FBXL17: variants seen among roughly 807,000 people sequenced by gnomAD.
FBXL17 encodes F-box/LRR-repeat protein 17.
A neutral mutation model predicts 66.2 loss-of-function variants in FBXL17; 22 were observed. The ratio of observed to expected loss-of-function variants is 0.33; its 90% CI spans 0.24 to 0.47. The LOEUF is 0.47. Among genes scored for constraint, FBXL17 ranks in the 20% least tolerant of loss-of-function variants. The pLI is 1.00. For synonymous variants in FBXL17, 474 were observed against 400.5 expected, an observed-to-expected ratio of 1.18 and a Z score of -2.19; for missense variants, 878 against 948.2, an observed-to-expected ratio of 0.93 and a Z score of 0.97.
intron 6 of FBXL17, among the ~76,000 whole-genome samples, chr5:108,100,643 G>T (rs560325141): frequency 6.6e-6 from 1 of 152,096 alleles, no homozygotes; most frequent in South Asian, 2.1e-4. Context: ...GACTCTTCTT[G>T]ATAATTTACA....
intron 7 of FBXL17, among the ~76,000 whole-genome samples, chr5:107,997,642 G>C (rs1213319236): frequency 6.6e-6 from 1 of 152,110 alleles, no homozygotes; most frequent in African/African-American, 2.4e-5. Context: ...TTCTTTCTCT[G>C]TCTGATGTTC....
At chr5:108,166,282 A>C (rs1021888972) in intron 6 of FBXL17, among the ~76,000 whole-genome samples, 1 of 152,202 alleles carries the variant, frequency 6.6e-6, no homozygotes, top group African/African-American at 2.4e-5. Flanking sequence ...CTGGAAAAAC[A>C]GAGCAAGACC....
At chr5:107,895,884 C>T (rs1057506169) in intron 7 of FBXL17, among the ~76,000 whole-genome samples, 13 of 152,116 alleles carry the variant, frequency 8.5e-5, no homozygotes, top group Admixed American at 8.5e-4. Flanking sequence ...CAATGATTTA[C>T]GTCGTTTTTG....
At chr5:108,014,185 T>G (rs1278489458) in intron 7 of FBXL17, among the ~76,000 whole-genome samples, 1 of 152,126 alleles carries the variant, frequency 6.6e-6, no homozygotes, top group African/African-American at 2.4e-5. Flanking sequence ...CAAAGACTAA[T>G]GTTAAAAATA....
At chr5:108,303,590 T>G (rs1758700594) in intron 4 of FBXL17, among the ~76,000 whole-genome samples, 1 of 151,948 alleles carries the variant, frequency 6.6e-6, no homozygotes, top group South Asian at 2.1e-4. Flanking sequence ...TCACTTCAAC[T>G]AGAGGCTTCT....
intron 4 of FBXL17, among the ~76,000 whole-genome samples, chr5:108,303,387 CACACACACAT>C (rs1417564742): frequency 6.7e-6 from 1 of 148,628 alleles, no homozygotes; most frequent in East Asian, 2.0e-4. Context: ...CACACACACA[CACACACACAT>C]ACCCACACAC....
In FBXL17 at chr5:108,367,915, G is replaced by A. The variant is rs61734351; in HGVS notation, c.1032C>T (p.Ser344=). ...SNLSLDERCL[S]ASLVCKYWRD... is the part of the protein sequence containing the mutation. ...GCCAGTACTTGCAAACCAATGATGC[G>A]GAAAGGCAACGCTCATCCAGTGACA... The change falls in exon 2 of 9, where the codon TCC becomes TCT. Residue 344 remains serine, a synonymous_variant. Coordinates refer to ENST00000542267, the MANE Select transcript of FBXL17 (RefSeq NM_001163315.3). 1.0e-3 allele frequency: 1,590 copies of A among 1,550,594 alleles called. 21 individuals carry two copies. In the African/African-American group the frequency reaches 0.018, roughly 18 times the overall value.
intron 8 of FBXL17, among the ~76,000 whole-genome samples, chr5:107,868,117 A>C (rs1321354709): frequency 3.3e-5 from 5 of 152,186 alleles, no homozygotes; most frequent in African/African-American, 1.2e-4. Context: ...ACTCAGATGG[A>C]ATTCCTATTT....
At chr5:107,913,716 T>C (rs1184307865) in intron 7 of FBXL17, among the ~76,000 whole-genome samples, 1 of 152,066 alleles carries the variant, frequency 6.6e-6, no homozygotes, top group Non-Finnish European at 1.5e-5. Context: ...AAGAACAGCA[T>C]TTGGGGCTTA....
At chr5:108,029,900 G>A (rs1041198927) in intron 6 of FBXL17, among the ~76,000 whole-genome samples, 1 of 151,926 alleles carries the variant, frequency 6.6e-6, no homozygotes, top group Non-Finnish European at 1.5e-5. Flanking sequence ...AGCTTCTCAG[G>A]CTATCAGGCC....
At chr5:108,043,967 T>C (rs1747147076) in intron 6 of FBXL17, among the ~76,000 whole-genome samples, 1 of 152,228 alleles carries the variant, frequency 6.6e-6, no homozygotes, top group Non-Finnish European at 1.5e-5. Context: ...GTAAATTGTA[T>C]TGTGTTCTTA....
At chr5:108,294,225 GTATATATATATTCTTACTGAA>G (rs1248905718) in intron 4 of FBXL17, among the ~76,000 whole-genome samples, 5 of 140,884 alleles carry the variant, frequency 3.5e-5, no homozygotes, top group Admixed American at 2.2e-4. Context: ...TATATATATG[GTATATATATATTCTTACTGAA>G]TATATATATA....
intron 4 of FBXL17, among the ~76,000 whole-genome samples, chr5:108,300,160 A>T (rs529957975): frequency 9.2e-5 from 14 of 152,118 alleles, no homozygotes; most frequent in Admixed American, 2.0e-4. Flanking sequence ...AACTTTTAGA[A>T]ACTTAAAAAG....
intron 6 of FBXL17, among the ~76,000 whole-genome samples, chr5:108,022,088 A>G (rs1000325872): frequency 2.0e-5 from 3 of 151,974 alleles, no homozygotes; most frequent in Non-Finnish European, 4.4e-5. Context: ...AATTAGTTAT[A>G]GAGAAGACAT....
At chr5:108,276,600 A>C (rs1757493423) in intron 4 of FBXL17, among the ~76,000 whole-genome samples, 1 of 152,138 alleles carries the variant, frequency 6.6e-6, no homozygotes, top group Non-Finnish European at 1.5e-5. Context: ...CTAGCAGTAA[A>C]ATTTCTTACT....
chr5:108,282,056 C>G (rs1356530024), intron 4 of FBXL17, among the ~76,000 whole-genome samples: 1 of 151,594 alleles, frequency 6.6e-6, no homozygotes, highest in African/African-American at 2.4e-5. Flanking sequence ...AAAAGAAAGA[C>G]TCAGGACCAG....
chr5:108,226,139 T>C (rs1755089931), intron 4 of FBXL17, among the ~76,000 whole-genome samples: 1 of 152,108 alleles, frequency 6.6e-6, no homozygotes, highest in Non-Finnish European at 1.5e-5. Flanking sequence ...CTTACTCACA[T>C]ATTAGTTTGT....
chr5:107,934,116 A>G (rs1473404116), intron 7 of FBXL17, among the ~76,000 whole-genome samples: 1 of 152,158 alleles, frequency 6.6e-6, no homozygotes, highest in Non-Finnish European at 1.5e-5. Context: ...TACTTCTCTC[A>G]TAATTGACTC....
At chr5:107,922,883 C>T (rs1049307237) in intron 7 of FBXL17, among the ~76,000 whole-genome samples, 26 of 152,262 alleles carry the variant, frequency 1.7e-4, no homozygotes, top group African/African-American at 3.4e-4. Context: ...CAACTTCTTG[C>T]GGGGCAGGAA....
Sources: gnomAD v4.1 joint callset for allele counts (sites outside exome capture counted in the v4.1 genomes callset) on GRCh38, gnomAD v4.1.1 for gene constraint, MANE v1.5 for transcripts, NCBI Gene and HGNC (gene_info 2026-07-23, HGNC 2026-07-21) for gene names.